The following SDK1 variants were observed in gnomAD, a reference collection of about 807,000 sequenced individuals.
SDK1 encodes sidekick cell adhesion molecule 1, also known as protein sidekick-1.
In SDK1, 157 loss-of-function variants were observed where a neutral mutation model predicts 245.5. That is an observed-to-expected ratio of 0.64 (90% CI 0.56 to 0.73). The LOEUF (loss-of-function observed/expected upper bound fraction) is 0.73, where lower values mean the gene tolerates loss of function less well. Among genes scored for constraint, SDK1 ranks in the 30% least tolerant of loss-of-function variants. The probability of loss-of-function intolerance (pLI) is 0.00; values close to 1 mark genes in which losing one functional copy is unlikely to be tolerated. For synonymous variants in SDK1, 1,647 were observed against 1,278.5 expected, an observed-to-expected ratio of 1.29 and a Z score of -6.15; for missense variants, 3,583 against 3,002.3, an observed-to-expected ratio of 1.19 and a Z score of -4.52.
At chr7:3,669,730 T>C (rs533798041) in intron 4 of SDK1, among the ~76,000 whole-genome samples, 2 of 152,320 alleles carry the variant, frequency 1.3e-5, no homozygotes, top group Admixed American at 1.3e-4. Flanking sequence ...TGCAGATGAC[T>C]CACAATTTTA....
intron 2 of SDK1, among the ~76,000 whole-genome samples, chr7:3,622,252 C>T (rs1214781047): frequency 2.0e-5 from 3 of 152,040 alleles, no homozygotes; most frequent in Admixed American, 1.3e-4. Flanking sequence ...GTGAGGCAGG[C>T]GGATCATTTG....
At chr7:3,504,180 A>ATGTGTGTGTGTG (rs1338465819) in intron 1 of SDK1, among the ~76,000 whole-genome samples, 223 of 89,466 alleles carry the variant, frequency 2.5e-3, no homozygotes, top group South Asian at 0.024. Context: ...ATATATATAT[A>ATGTGTGTGTGTG]TATGTGTGTG....
At chr7:3,657,315 C>G (rs1445733486) in intron 4 of SDK1, among the ~76,000 whole-genome samples, 1 of 152,174 alleles carries the variant, frequency 6.6e-6, no homozygotes, top group East Asian at 1.9e-4. Context: ...TCTGGAGGTG[C>G]TGTCACAGTT....
intron 1 of SDK1, among the ~76,000 whole-genome samples, chr7:3,583,933 G>A (rs956131044): frequency 1.3e-5 from 2 of 152,120 alleles, no homozygotes; most frequent in Non-Finnish European, 2.9e-5. Flanking sequence ...TGAAGGTCCC[G>A]TATCAGCAGA....
rs113285726 is a variant in SDK1 at position 3,446,031 on chromosome 7, C to T, written c.298+144147C>T. Among the ~76,000 whole-genome samples, 278 of 152,170 alleles carry T rather than the reference C, an allele frequency of 1.8e-3. 1 individual carries two copies. Among genetic ancestry groups the T allele is most frequent in the African/African-American group, 6.3e-3 (263 of 41,518 alleles). On this transcript the variant is annotated intron_variant, in intron 1 of 44. Coordinates refer to ENST00000404826, the MANE Select transcript of SDK1 (RefSeq NM_152744.4). ...ATAATTTTGCTGGATATAGAATTTG[C>T]AGTTGACAGCTCTTTTCTTTCAGCC...
intron 1 of SDK1, among the ~76,000 whole-genome samples, chr7:3,397,584 C>T (rs188459056): frequency 1.5e-4 from 23 of 151,664 alleles, no homozygotes; most frequent in African/African-American, 5.3e-4. Flanking sequence ...CTGTAATATG[C>T]AAGTCATTTT....
intron 1 of SDK1, among the ~76,000 whole-genome samples, chr7:3,332,711 C>G (rs1583695628): frequency 6.6e-6 from 1 of 152,124 alleles, no homozygotes; most frequent in Non-Finnish European, 1.5e-5. Flanking sequence ...CTGTAGGGGA[C>G]AGTGATACTT....
chr7:4,149,093 C>G (rs1361362318), intron 29 of SDK1, among the ~76,000 whole-genome samples, 169 bp from the exon 30 acceptor site: 1 of 144,018 alleles, frequency 6.9e-6, no homozygotes, highest in Non-Finnish European at 1.5e-5. Context: ...AAAAACAGAG[C>G]CTCTCATCTC....
chr7:3,775,472 G>A (rs1212430221), intron 4 of SDK1, among the ~76,000 whole-genome samples: 1 of 150,424 alleles, frequency 6.6e-6, no homozygotes, highest in Non-Finnish European at 1.5e-5. Context: ...CAGACCAGAT[G>A]TATCTCCAGC....
intron 17 of SDK1, among the ~76,000 whole-genome samples, chr7:4,037,489 C>T (rs1788308235): frequency 6.6e-6 from 1 of 152,044 alleles, no homozygotes; most frequent in African/African-American, 2.4e-5. Context: ...TGTGATGACT[C>T]ATCTGTAATT....
intron 17 of SDK1, among the ~76,000 whole-genome samples, chr7:4,036,302 C>T (rs1441313801): frequency 6.6e-6 from 1 of 152,006 alleles, no homozygotes; most frequent in Admixed American, 6.6e-5. Flanking sequence ...GACAGTTCTT[C>T]TTTTTATTTC....
At chr7:3,911,433 G>T (rs537270401) in intron 5 of SDK1, among the ~76,000 whole-genome samples, 4 of 152,056 alleles carry the variant, frequency 2.6e-5, no homozygotes, top group African/African-American at 9.7e-5. Context: ...CAGCACATTC[G>T]GTGTCTGGTG....
In SDK1 at chr7:3,980,778, C is replaced by A. The variant is rs574198148; in HGVS notation, c.1994+6233C>A. 4.6e-5 allele frequency among the ~76,000 whole-genome samples: 7 copies of A among 152,184 alleles called. No individual in the cohort carries two copies. In the South Asian group the frequency reaches 8.3e-4, roughly 18 times the overall value. On this transcript the variant is annotated intron_variant, in intron 13 of 44. Coordinates refer to ENST00000404826, the MANE Select transcript of SDK1 (RefSeq NM_152744.4). The stretch of plus-strand genomic sequence containing the variant: ...CCAAGATGGCGAAACCCTGTCTCTA[C>A]TAAAAATACAAAAATTAGCCGGGCG...
At chr7:3,609,315 C>G (rs1253689623) in intron 1 of SDK1, among the ~76,000 whole-genome samples, 1 of 152,124 alleles carries the variant, frequency 6.6e-6, no homozygotes, top group African/African-American at 2.4e-5. Context: ...GGTGCTATTG[C>G]TTTGTTGATT....
At chr7:4,189,698 G>A (rs1783081516) in intron 35 of SDK1, among the ~76,000 whole-genome samples, 1 of 152,148 alleles carries the variant, frequency 6.6e-6, no homozygotes, top group Admixed American at 6.5e-5. Context: ...AAAATTAGCT[G>A]GATATCGCTT....
At chr7:4,035,083 A>G (rs761404120) in intron 17 of SDK1, among the ~76,000 whole-genome samples, 2 of 152,112 alleles carry the variant, frequency 1.3e-5, no homozygotes, top group Non-Finnish European at 2.9e-5. Flanking sequence ...GGTTCAAGCA[A>G]TTCTCCTGCC....
At chr7:3,428,107 A>G (rs1402953119) in intron 1 of SDK1, among the ~76,000 whole-genome samples, 2 of 152,180 alleles carry the variant, frequency 1.3e-5, no homozygotes, top group African/African-American at 4.8e-5. Context: ...GCACAACTAT[A>G]TGCTTTTCTG....
chr7:4,143,414 G>A (rs1188341930), intron 28 of SDK1, among the ~76,000 whole-genome samples: 1 of 152,126 alleles, frequency 6.6e-6, no homozygotes, highest in East Asian at 1.9e-4. Flanking sequence ...AGGCATGGCT[G>A]TGCCAGCCAG....
intron 41 of SDK1, 137 bp downstream of exon 41, chr7:4,233,556 G>A (rs1785943719): frequency 1.2e-6 from 1 of 804,578 alleles, no homozygotes; most frequent in African/African-American, 1.7e-5. Context: ...AGGGAGGTCT[G>A]TCTTCTCCTG....
Sources: allele counts gnomAD v4.1 joint callset (sites outside exome capture counted in the v4.1 genomes callset), GRCh38; gene constraint gnomAD v4.1.1; transcripts MANE v1.5; gene names NCBI Gene and HGNC (gene_info 2026-07-23, HGNC 2026-07-21).